The following CNTNAP2 variants were observed in gnomAD, a reference collection of about 807,000 sequenced individuals.
CNTNAP2 encodes contactin-associated protein-like 2.
In CNTNAP2, 98 loss-of-function variants were observed where a neutral mutation model predicts 155.2. The observed-to-expected ratio is 0.63, with a 90% confidence interval of 0.54 to 0.75. The LOEUF is 0.75. CNTNAP2 is among the 30% of genes least tolerant of loss of function. The probability of loss-of-function intolerance (pLI) is 0.00; values close to 1 mark genes in which losing one functional copy is unlikely to be tolerated. For synonymous variants in CNTNAP2, 651 were observed against 631.2 expected (o/e 1.03, Z -0.47); for missense variants, 1,727 against 1,688.1 (o/e 1.02, Z -0.40).
At chr7:148,253,073 A>ATAGATAGATAGATAGATAGT (rs1169388154) in intron 20 of CNTNAP2, among the ~76,000 whole-genome samples, 8 of 152,050 alleles carry the variant, frequency 5.3e-5, no homozygotes, top group Admixed American at 2.0e-4. Context: ...AGATAGATAG[A>ATAGATAGATAGATAGATAGT]TATTGATTGA....
chr7:146,767,490 G>A (rs1378640344), intron 1 of CNTNAP2, among the ~76,000 whole-genome samples: 2 of 152,042 alleles, frequency 1.3e-5, no homozygotes, highest in Non-Finnish European at 1.5e-5. Flanking sequence ...TGACTTCTAT[G>A]GATTATTAGG....
At chr7:148,332,281 C>T (rs887471165) in intron 21 of CNTNAP2, among the ~76,000 whole-genome samples, 34 of 152,146 alleles carry the variant, frequency 2.2e-4, no homozygotes, top group African/African-American at 8.0e-4. Context: ...TATATTAAAG[C>T]CATGTATGCT....
chr7:147,791,822 C>T (rs567400471), intron 13 of CNTNAP2, among the ~76,000 whole-genome samples: 3 of 152,180 alleles, frequency 2.0e-5, no homozygotes, highest in Non-Finnish European at 4.4e-5. Context: ...GCGCCATACA[C>T]ATGTTCTTCT....
intron 11 of CNTNAP2, among the ~76,000 whole-genome samples, chr7:147,529,154 A>G (rs1053888285): frequency 2.0e-5 from 3 of 152,238 alleles, no homozygotes; most frequent in African/African-American, 7.2e-5. Context: ...TAACAGCACC[A>G]TATCATGAAA....
At chr7:146,303,881 A>T (rs1275481757) in intron 1 of CNTNAP2, among the ~76,000 whole-genome samples, 5 of 152,060 alleles carry the variant, frequency 3.3e-5, no homozygotes, top group Admixed American at 2.0e-4. Flanking sequence ...AAAGTCTCCC[A>T]TTATTATTGT....
chr7:146,221,918 G>T (rs1458061019), intron 1 of CNTNAP2, among the ~76,000 whole-genome samples: 1 of 152,182 alleles, frequency 6.6e-6, no homozygotes, highest in Admixed American at 6.5e-5. Context: ...AGACAATGAG[G>T]TTCCTATCAT....
intron 4 of CNTNAP2, among the ~76,000 whole-genome samples, chr7:147,097,940 T>C (rs189637645): frequency 1.9e-4 from 29 of 152,348 alleles, no homozygotes; most frequent in Admixed American, 1.6e-3. Flanking sequence ...CAGCCACAAC[T>C]GTAAATTTTG....
At chr7:148,328,494 C>T (rs1563043766) in intron 21 of CNTNAP2, among the ~76,000 whole-genome samples, 1 of 65,492 alleles carries the variant, frequency 1.5e-5, no homozygotes, top group African/African-American at 5.5e-5. Context: ...TCTGTAGATT[C>T]CATCTCTTGG....
At chr7:148,197,161 T>G (rs902828314) in intron 18 of CNTNAP2, among the ~76,000 whole-genome samples, 7 of 152,182 alleles carry the variant, frequency 4.6e-5, no homozygotes, top group African/African-American at 9.7e-5. Context: ...TTACTTCAAA[T>G]AGCATTCATC....
chr7:147,690,726 AT>A, intron 13 of CNTNAP2, among the ~76,000 whole-genome samples: 1 of 152,098 alleles, frequency 6.6e-6, no homozygotes, highest in South Asian at 2.1e-4. Flanking sequence ...AATTAGAATC[AT>A]TTATAAAACT....
Position 146,824,274 on chromosome 7 carries a change from A to G in CNTNAP2, c.209-15437A>G, listed in dbSNP as rs138459051. On this transcript the variant is annotated intron_variant, in intron 2 of 23. Transcript: ENST00000361727. ...AATGTATATGTGACACATTTTCTTTATTCAGTCTATCATTGATGGGCATTT... is the reference window on the plus strand; with the variant it reads ...AATGTATATGTGACACATTTTCTTTGTTCAGTCTATCATTGATGGGCATTT... Among the ~76,000 whole-genome samples the G allele has an allele frequency of 1.7e-3, 257 of 152,214 alleles. 1 individual carries two copies. Among genetic ancestry groups the G allele is most frequent in the African/African-American group, 5.9e-3 (245 of 41,530 alleles).
chr7:146,250,147 A>G lies in CNTNAP2; in HGVS notation c.97+133174A>G, dbSNP rs144350013. Reference sequence around the variant, plus strand: ...AGGGTAACACCTTCAGTTACAAATTATAGTAACATCTTAGATAATAAATTT... The same window carrying G: ...AGGGTAACACCTTCAGTTACAAATTGTAGTAACATCTTAGATAATAAATTT... On this transcript the variant is annotated intron_variant, in intron 1 of 23. Transcript: ENST00000361727. Among the ~76,000 whole-genome samples, 1,144 of 152,334 alleles carry G rather than the reference A, an allele frequency of 7.5e-3. 16 individuals are homozygous for G. Among genetic ancestry groups the G allele is most frequent in the African/African-American group, 0.025 (1,046 of 41,574 alleles).
intron 1 of CNTNAP2, among the ~76,000 whole-genome samples, chr7:146,594,735 C>T (rs1798834048): frequency 2.0e-5 from 3 of 152,074 alleles, no homozygotes. Flanking sequence ...GTCCTCTCAT[C>T]TCACCTACTC....
intron 1 of CNTNAP2, among the ~76,000 whole-genome samples, chr7:146,173,221 T>C (rs1798420203): frequency 6.6e-6 from 1 of 152,210 alleles, no homozygotes. Context: ...AAGCCTTTTT[T>C]ATCTTATTAT....
chr7:146,267,262 A>G (rs1221067973), intron 1 of CNTNAP2, among the ~76,000 whole-genome samples: 1 of 152,116 alleles, frequency 6.6e-6, no homozygotes, highest in Non-Finnish European at 1.5e-5. Flanking sequence ...TATAGCAATT[A>G]ATACTGTGAA....
At chr7:146,529,650 G>A (rs1252719889) in intron 1 of CNTNAP2, among the ~76,000 whole-genome samples, 1 of 152,076 alleles carries the variant, frequency 6.6e-6, no homozygotes, top group East Asian at 1.9e-4. Flanking sequence ...CAGGAAAGCA[G>A]GCAGCATACT....
intron 20 of CNTNAP2, among the ~76,000 whole-genome samples, chr7:148,255,750 A>AT (rs2116823472): frequency 6.6e-6 from 1 of 152,358 alleles, no homozygotes; most frequent in South Asian, 2.1e-4. Flanking sequence ...AAAATTGCTT[A>AT]TCAAGCCATT....
intron 15 of CNTNAP2, among the ~76,000 whole-genome samples, chr7:148,026,196 C>T (rs1802371820): frequency 1.3e-5 from 2 of 152,066 alleles, no homozygotes; most frequent in Non-Finnish European, 2.9e-5. Context: ...CACCTGTAAT[C>T]CCAGCACTTT....
intron 14 of CNTNAP2, among the ~76,000 whole-genome samples, chr7:147,925,187 GA>G (rs1395386981): frequency 6.7e-6 from 1 of 148,342 alleles, no homozygotes; most frequent in African/African-American, 2.6e-5. Flanking sequence ...AGGAAGGAAG[GA>G]AGGAAGGAAG....
Sources: allele counts gnomAD v4.1 joint callset (sites outside exome capture counted in the v4.1 genomes callset), GRCh38; gene constraint gnomAD v4.1.1; transcripts MANE v1.5; gene names NCBI Gene and HGNC (gene_info 2026-07-23, HGNC 2026-07-21).